Variants in ERC2 observed in about 807,000 individuals in gnomAD.
ERC2 encodes the protein ERC protein 2.
Under a neutral mutation model 114.8 loss-of-function variants are expected in ERC2, and 42 were observed. The ratio of observed to expected loss-of-function variants is 0.37; its 90% CI spans 0.29 to 0.47. The LOEUF (loss-of-function observed/expected upper bound fraction) is 0.47. Among genes scored for constraint, ERC2 ranks in the 20% least tolerant of loss-of-function variants. ERC2 has a pLI of 0.99. For missense variants in ERC2, 939 were observed against 1,150.7 expected, an observed-to-expected ratio of 0.82 and a Z score of 2.66; for synonymous variants, 454 against 425.5, an observed-to-expected ratio of 1.07 and a Z score of -0.82.
At chr3:56,285,012 CACACACACACACACACACA>C in intron 3 of ERC2, among the ~76,000 whole-genome samples, 3 of 78,030 alleles carry the variant, frequency 3.8e-5, no homozygotes, top group Non-Finnish European at 9.0e-5. Context: ...CTCTCTCTCT[CACACACACACACACACACA>C]TACACACACA....
At chr3:56,046,360 G>T (rs187490857) in intron 7 of ERC2, among the ~76,000 whole-genome samples, 4 of 152,146 alleles carry the variant, frequency 2.6e-5, no homozygotes, top group South Asian at 2.1e-4. Context: ...GGGTGAGAAG[G>T]GTTGGCGAGT....
At chr3:56,056,950 T>A (rs759138151) in intron 7 of ERC2, among the ~76,000 whole-genome samples, 1 of 152,150 alleles carries the variant, frequency 6.6e-6, no homozygotes, top group Non-Finnish European at 1.5e-5. Flanking sequence ...TCATGTTCAT[T>A]ACAGATATGG....
intron 17 of ERC2, among the ~76,000 whole-genome samples, chr3:55,566,221 G>A (rs72870467): frequency 9.2e-5 from 14 of 152,148 alleles, no homozygotes; most frequent in African/African-American, 2.9e-4. Context: ...TCCTATCTGC[G>A]ATTGTATAGG....
intron 14 of ERC2, among the ~76,000 whole-genome samples, chr3:55,837,348 C>G (rs1471628113): frequency 6.6e-6 from 1 of 152,074 alleles, no homozygotes; most frequent in Non-Finnish European, 1.5e-5. Context: ...AGACTTGGAA[C>G]CAACCCAAAT....
chr3:56,145,442 T>A (rs2081085890), intron 5 of ERC2, among the ~76,000 whole-genome samples: 1 of 152,212 alleles, frequency 6.6e-6, no homozygotes, highest in Non-Finnish European at 1.5e-5. Context: ...ATTTGGTATG[T>A]TCCATTCTCC....
intron 13 of ERC2, among the ~76,000 whole-genome samples, chr3:55,913,837 A>G (rs1443163576): frequency 6.6e-6 from 1 of 152,158 alleles, no homozygotes; most frequent in African/African-American, 2.4e-5. Flanking sequence ...AAGCCTCAGT[A>G]TTCACTCTTT....
Position 56,139,491 on chromosome 3 carries a change from C to A in ERC2, c.1473+18G>T. 1 of 1,601,970 alleles carries A rather than the reference C, an allele frequency of 6.2e-7. No individual in the cohort carries two copies. The highest frequency in any genetic ancestry group is 8.5e-7 in the Non-Finnish European group (1 of 1,173,098). The stretch of plus-strand genomic sequence containing the variant: ...ATTCAATGTCTCTGCTGTCTAGAAT[C>A]CTGAGAGAGTGCCTTACCTCAGTCT... On this transcript the variant is annotated intron_variant, in intron 6 of 17. Transcript: ENST00000288221.
chr3:56,098,284 T>C (rs572439512), intron 6 of ERC2, among the ~76,000 whole-genome samples: 1 of 152,258 alleles, frequency 6.6e-6, no homozygotes, highest in African/African-American at 2.4e-5. Context: ...TAGCAGAATT[T>C]GAGTCTTTTA....
chr3:56,004,142 T>C (rs1243725562), intron 10 of ERC2, among the ~76,000 whole-genome samples: 5 of 152,018 alleles, frequency 3.3e-5, no homozygotes, highest in African/African-American at 1.2e-4. Context: ...AGAGCATAAA[T>C]CATATTTTGA....
At chr3:55,746,241 AT>A (rs373952560) in intron 14 of ERC2, among the ~76,000 whole-genome samples, 2,547 of 148,084 alleles carry the variant, frequency 0.017, 64 homozygotes, top group African/African-American at 0.055. Flanking sequence ...TGTGGAGTGG[AT>A]TTTTTTTTTT....
At chr3:56,449,738 G>T (rs563662139) in intron 1 of ERC2, among the ~76,000 whole-genome samples, 3 of 152,252 alleles carry the variant, frequency 2.0e-5, no homozygotes, top group African/African-American at 7.2e-5. Context: ...GTATAGATTT[G>T]GGAAAGATTA....
At chr3:56,064,262 G>A (rs916777240) in intron 7 of ERC2, among the ~76,000 whole-genome samples, 2 of 152,142 alleles carry the variant, frequency 1.3e-5, no homozygotes, top group Non-Finnish European at 2.9e-5. Flanking sequence ...ACATGGAACT[G>A]CAGCAAAGGA....
intron 7 of ERC2, among the ~76,000 whole-genome samples, chr3:56,048,175 G>A (rs1368386429): frequency 1.3e-5 from 2 of 152,200 alleles, no homozygotes; most frequent in Non-Finnish European, 2.9e-5. Flanking sequence ...AATTACTTCA[G>A]TGTTTTGTCT....
At chr3:56,224,466 G>A (rs895774295) in intron 3 of ERC2, among the ~76,000 whole-genome samples, 7 of 152,074 alleles carry the variant, frequency 4.6e-5, no homozygotes, top group Non-Finnish European at 7.4e-5. Flanking sequence ...TAGAGATGGC[G>A]GGGGTAAAAG....
intron 2 of ERC2, among the ~76,000 whole-genome samples, chr3:56,354,839 A>T (rs751754641): frequency 2.0e-5 from 3 of 152,228 alleles, no homozygotes; most frequent in African/African-American, 4.8e-5. Flanking sequence ...AAGAACTTCT[A>T]GTTTGAATTT....
At chr3:55,520,867 G>A (rs546378166) in intron 17 of ERC2, among the ~76,000 whole-genome samples, 11 of 152,284 alleles carry the variant, frequency 7.2e-5, no homozygotes, top group Admixed American at 7.2e-4. Flanking sequence ...GCATATACAA[G>A]TCACAGGAAG....
In ERC2 at chr3:55,888,438, T is replaced by G. The variant is rs746874112; in HGVS notation, c.2515A>C (p.Asn839His). The G allele has an allele frequency of 6.2e-7, 1 of 1,613,910 alleles. No individual in the cohort carries two copies. The highest frequency in any genetic ancestry group is 8.5e-7 in the Non-Finnish European group (1 of 1,179,846). ...SLAEKEAHLA[N>H]LRIERRKQLE... Reference sequence around the variant, plus strand: ...TGTTTCCTCCTCTCAATCCGGAGGTTGGCCAAGTGCGCTTCTTTTTCGGCC... The same window carrying G: ...TGTTTCCTCCTCTCAATCCGGAGGTGGGCCAAGTGCGCTTCTTTTTCGGCC... The change falls in exon 14 of 18, where the codon AAC (asparagine) becomes CAC (histidine). Residue 839 changes from asparagine (N) to histidine (H), a missense_variant. Asn to His is a moderately conservative substitution (Grantham distance 68). Coordinates refer to ENST00000288221, the MANE Select transcript of ERC2 (RefSeq NM_015576.3).
At chr3:55,957,973 GGTGT>G (rs2068082068) in intron 12 of ERC2, among the ~76,000 whole-genome samples, 1 of 152,196 alleles carries the variant, frequency 6.6e-6, no homozygotes. Context: ...GTGAGTTGGG[GGTGT>G]GTTTCAGTCC....
At chr3:56,245,393 C>T (rs1344585195) in intron 3 of ERC2, among the ~76,000 whole-genome samples, 6 of 151,976 alleles carry the variant, frequency 3.9e-5, no homozygotes, top group Admixed American at 2.0e-4. Context: ...TATGTCAGTA[C>T]AGCAGGCAAT....
Sources: gnomAD v4.1 joint callset for allele counts (sites outside exome capture counted in the v4.1 genomes callset) on GRCh38, gnomAD v4.1.1 for gene constraint, MANE v1.5 for transcripts, NCBI Gene and HGNC (gene_info 2026-07-23, HGNC 2026-07-21) for gene names.